Variants in STK32C observed in about 807,000 individuals in gnomAD.
STK32C encodes serine/threonine kinase 32C.
A neutral mutation model predicts 56.5 loss-of-function variants in STK32C; 31 were observed. The observed-to-expected ratio is 0.55, with a 90% CI of 0.41 to 0.74. The LOEUF (loss-of-function observed/expected upper bound fraction) is 0.74, where lower values mean the gene tolerates loss of function less well. Among genes scored for constraint, STK32C ranks in the 30% least tolerant of loss-of-function variants. STK32C has a pLI of 0.00. For synonymous variants in STK32C, 309 were observed against 289.4 expected, an observed-to-expected ratio of 1.07 and a Z score of -0.69; for missense variants, 544 against 676.9, an observed-to-expected ratio of 0.80 and a Z score of 2.18.
At chr10:132,247,437 C>A (rs151006507) in intron 1 of STK32C, among the ~76,000 whole-genome samples, 1 of 152,202 alleles carries the variant, frequency 6.6e-6, no homozygotes, top group Non-Finnish European at 1.5e-5. Flanking sequence ...GCCTGAGCTA[C>A]GGGTGCCGTG....
At chr10:132,240,364 C>T (rs2063458262) in intron 2 of STK32C, among the ~76,000 whole-genome samples, 1 of 152,214 alleles carries the variant, frequency 6.6e-6, no homozygotes, top group Non-Finnish European at 1.5e-5. Flanking sequence ...GGTGGTCCTA[C>T]AGCAGCCGCT....
intron 1 of STK32C, among the ~76,000 whole-genome samples, chr10:132,247,438 G>A (rs899486761): frequency 1.3e-5 from 2 of 152,186 alleles, no homozygotes; most frequent in Admixed American, 6.5e-5. Flanking sequence ...CCTGAGCTAC[G>A]GGTGCCGTGA....
intron 1 of STK32C, among the ~76,000 whole-genome samples, chr10:132,249,527 G>A (rs146694254): frequency 1.5e-4 from 23 of 152,206 alleles, no homozygotes; most frequent in Middle Eastern, 3.4e-3. Flanking sequence ...GGTCCCTGCC[G>A]GCCATGTCCA....
intron 2 of STK32C, 86 bp from the exon 3 acceptor site, chr10:132,228,214 G>A (rs2062964856): frequency 6.3e-7 from 1 of 1,583,568 alleles, no homozygotes; most frequent in Non-Finnish European, 8.7e-7. Flanking sequence ...GGATGCCTGG[G>A]GACGCATCGT....
intron 10 of STK32C, among the ~76,000 whole-genome samples, chr10:132,215,791 G>A (rs756976095): frequency 6.6e-5 from 10 of 152,200 alleles, no homozygotes; most frequent in Admixed American, 2.0e-4. Flanking sequence ...CCATCTGGAG[G>A]GCTCAGAAGA....
At chr10:132,270,648 T>C (rs1473263857) in intron 1 of STK32C, among the ~76,000 whole-genome samples, 1 of 152,186 alleles carries the variant, frequency 6.6e-6, no homozygotes. Flanking sequence ...TGGCCTTATT[T>C]GCTAGTGCTG....
chr10:132,280,336 C>A lies in STK32C; in HGVS notation c.262+27236G>T, dbSNP rs1170797816. On this transcript the variant is annotated intron_variant, in intron 1 of 11. Coordinates refer to ENST00000298630, the MANE Select transcript of STK32C (RefSeq NM_173575.4). ...CATGCCACTGCACTCCCTGACTATGCTGAGGCCTCCACTCCGTGACCATGC... is the reference window on the plus strand; with the variant it reads ...CATGCCACTGCACTCCCTGACTATGATGAGGCCTCCACTCCGTGACCATGC... Among the ~76,000 whole-genome samples, 7 of 147,346 alleles carry A rather than the reference C, an allele frequency of 4.8e-5. 1 individual carries two copies. The highest frequency in any genetic ancestry group is 1.5e-4 in the African/African-American group (6 of 39,634).
intron 1 of STK32C, among the ~76,000 whole-genome samples, chr10:132,265,221 T>G (rs192689444): frequency 8.0e-6 from 1 of 124,564 alleles, no homozygotes; most frequent in Non-Finnish European, 1.6e-5. Flanking sequence ...CTGGGGGAGC[T>G]GCCAGGGCAG....
chr10:132,227,876 G>T, intron 3 of STK32C, 101 bp downstream of exon 3: 1 of 1,454,036 alleles, frequency 6.9e-7, no homozygotes, highest in Non-Finnish European at 9.3e-7. Flanking sequence ...GCATCTCCGA[G>T]GCACGAGGGC....
chr10:132,280,647 CT>C (rs1192999899), intron 1 of STK32C, among the ~76,000 whole-genome samples: 2 of 148,706 alleles, frequency 1.3e-5, no homozygotes, highest in African/African-American at 2.5e-5. Context: ...CGACACTCCA[CT>C]CCATGATCAC....
chr10:132,311,311 A>G (rs748807529), upstream of STK32C, among the ~76,000 whole-genome samples: 10 of 151,962 alleles, frequency 6.6e-5, no homozygotes, highest in South Asian at 6.2e-4. This position sits in a 1 kb window ranked among gnomAD's most constrained non-coding sequence, Gnocchi z 4.4. Context: ...CTCAGAACTG[A>G]CCCCCAAAAC....
At position 132,227,958 on chromosome 10, in the gene STK32C, G is replaced by A. The variant is rs894499336; in HGVS notation, c.470+19C>T. ...TCAGGACGGTAAGTCTTTCTGCAGC[G>A]AGGCCATGGCAGGCTCACCAGAGGT... On this transcript the variant is annotated intron_variant, in intron 3 of 11. Coordinates refer to ENST00000298630, the MANE Select transcript of STK32C (RefSeq NM_173575.4). The A allele has an allele frequency of 9.3e-6, 15 of 1,611,344 alleles. No individual in the cohort carries two copies. The highest frequency in any genetic ancestry group is 6.7e-5 in the Admixed American group (4 of 59,904).
chr10:132,286,488 CAGGCCAATATCCCTA>C (rs2065408834), intron 1 of STK32C, among the ~76,000 whole-genome samples: 1 of 152,200 alleles, frequency 6.6e-6, no homozygotes, highest in Non-Finnish European at 1.5e-5. Flanking sequence ...AAAGAAAACA[CAGGCCAATATCCCTA>C]ATGAACACAG....
chr10:132,290,048 A>G (rs1247342708), intron 1 of STK32C, among the ~76,000 whole-genome samples: 1 of 152,186 alleles, frequency 6.6e-6, no homozygotes, highest in African/African-American at 2.4e-5. Context: ...TCCAACAGCA[A>G]TCCGATTTGG....
At chr10:132,229,274 A>T (rs1272622778) in intron 2 of STK32C, among the ~76,000 whole-genome samples, 26 of 152,186 alleles carry the variant, frequency 1.7e-4, no homozygotes, top group Admixed American at 1.7e-3. Context: ...GGAGCCCAGC[A>T]GGGGGCCTGG....
intron 1 of STK32C, among the ~76,000 whole-genome samples, chr10:132,278,887 G>A (rs1564770635): frequency 6.6e-6 from 1 of 152,270 alleles, no homozygotes; most frequent in East Asian, 1.9e-4. Context: ...CAACCCAACA[G>A]GAGACGGGGC....
chr10:132,234,241 G>C (rs1429463756), intron 2 of STK32C, among the ~76,000 whole-genome samples: 1 of 152,164 alleles, frequency 6.6e-6, no homozygotes, highest in East Asian at 1.9e-4. Context: ...CACCCTCCAT[G>C]CTGCCCGAGC....
intron 1 of STK32C, among the ~76,000 whole-genome samples, chr10:132,285,265 C>T (rs1416642452): frequency 1.3e-5 from 2 of 152,246 alleles, no homozygotes; most frequent in South Asian, 2.1e-4. Flanking sequence ...AAGAGCTCAA[C>T]GTCCCCACCC....
chr10:132,223,140 C>T (rs1341792173), intron 8 of STK32C, among the ~76,000 whole-genome samples, 154 bp from the exon 9 acceptor site: 1 of 152,206 alleles, frequency 6.6e-6, no homozygotes, highest in Non-Finnish European at 1.5e-5. Flanking sequence ...AGGGTGGTGC[C>T]GACGGCCGAC....
Sources: allele counts gnomAD v4.1 joint callset (sites outside exome capture counted in the v4.1 genomes callset), GRCh38; gene constraint gnomAD v4.1.1; non-coding constraint Gnocchi (gnomAD v3.1); transcripts MANE v1.5; gene names NCBI Gene and HGNC (gene_info 2026-07-23, HGNC 2026-07-21).